The following MED27 variants were observed in gnomAD, a reference collection of about 807,000 sequenced individuals.
The protein encoded by MED27 is mediator of RNA polymerase II transcription subunit 27.
In MED27, 30 loss-of-function variants were observed where a neutral mutation model predicts 38.2. That is an observed-to-expected ratio of 0.79 (90% CI 0.59 to 1.07). MED27 has a LOEUF of 1.07. Ranked by LOEUF, MED27 falls within the 50% of genes least tolerant of loss-of-function variation. MED27 has a pLI of 0.00. For missense variants in MED27, 289 were observed against 397.5 expected (o/e 0.73, Z 2.32); for synonymous variants, 122 against 153.5 (o/e 0.79, Z 1.52).
At chr9:132,004,713 T>C (rs1184283859) in intron 3 of MED27, among the ~76,000 whole-genome samples, 2 of 152,178 alleles carry the variant, frequency 1.3e-5, no homozygotes, top group East Asian at 1.9e-4. Flanking sequence ...TTCCACCTGG[T>C]TCCCGGCCAT....
chr9:131,950,554 G>A (rs1830975460), intron 3 of MED27, among the ~76,000 whole-genome samples: 1 of 152,134 alleles, frequency 6.6e-6, no homozygotes. Context: ...GAATCTACAT[G>A]GTAGATTTCA....
At chr9:132,005,092 C>T (rs1023024709) in intron 3 of MED27, among the ~76,000 whole-genome samples, 6 of 152,198 alleles carry the variant, frequency 3.9e-5, no homozygotes. Context: ...GAGACACTTT[C>T]CTCTTCTACC....
At chr9:132,062,512 T>G (rs973672249) in intron 2 of MED27, among the ~76,000 whole-genome samples, 1 of 152,164 alleles carries the variant, frequency 6.6e-6, no homozygotes, top group Non-Finnish European at 1.5e-5. Context: ...TCAAGGTGAC[T>G]AAGTACCAGA....
At chr9:132,055,562 G>C (rs1234403828) in intron 2 of MED27, among the ~76,000 whole-genome samples, 1 of 152,064 alleles carries the variant, frequency 6.6e-6, no homozygotes, top group Non-Finnish European at 1.5e-5. Context: ...TTTAGATGTG[G>C]GTCAACTCAC....
chr9:131,991,247 ACT>A (rs1293170693), intron 3 of MED27, among the ~76,000 whole-genome samples: 2 of 152,148 alleles, frequency 1.3e-5, no homozygotes, highest in Non-Finnish European at 2.9e-5. Context: ...AGAGAGAAAT[ACT>A]CTCAGATACA....
intron 4 of MED27, among the ~76,000 whole-genome samples, chr9:131,899,017 A>G (rs1829882404): frequency 6.6e-6 from 1 of 152,214 alleles, no homozygotes; most frequent in African/African-American, 2.4e-5. Flanking sequence ...AAATGGAGAT[A>G]ATGGCACTCC....
chr9:131,890,821 A>G (rs1365300908), intron 5 of MED27, among the ~76,000 whole-genome samples: 1 of 152,220 alleles, frequency 6.6e-6, no homozygotes, highest in East Asian at 1.9e-4. Context: ...TGAGTCTAAG[A>G]GCAGCACCTG....
chr9:131,929,747 T>C (rs1229458710), intron 4 of MED27, among the ~76,000 whole-genome samples: 1 of 152,160 alleles, frequency 6.6e-6, no homozygotes, highest in Non-Finnish European at 1.5e-5. Flanking sequence ...GCTAGATTTC[T>C]AAGGTTTTTG....
chr9:131,955,661 G>A (rs1279379730), intron 3 of MED27, among the ~76,000 whole-genome samples: 2 of 152,166 alleles, frequency 1.3e-5, no homozygotes, highest in African/African-American at 2.4e-5. Context: ...TTTGAAAGAT[G>A]TAAGTTATAT....
At chr9:131,899,192 G>A (rs1419575184) in intron 4 of MED27, among the ~76,000 whole-genome samples, 2 of 152,214 alleles carry the variant, frequency 1.3e-5, no homozygotes, top group African/African-American at 4.8e-5. Context: ...TAACGTCAAA[G>A]CTGGAACCAG....
chr9:131,923,635 C>T lies in MED27; in HGVS notation c.573+15746G>A, dbSNP rs73553045. Among the ~76,000 whole-genome samples the T allele has an allele frequency of 2.3e-3, 347 of 152,290 alleles. 2 individuals carry two copies. Among genetic ancestry groups the T allele is most frequent in the African/African-American group, 8.1e-3 (337 of 41,540 alleles). ...CTTTTTCAAGTATGTGAAACATTCA[C>T]ATGTTCTAACAGTCAGAACTACATA... On this transcript the variant is annotated intron_variant, in intron 4 of 7. Transcript: ENST00000292035.
Position 131,883,235 on chromosome 9 carries a change from C to CT in MED27, c.723+822dup, listed in dbSNP as rs1839079790. ...AATGAATGAGATGATGGCCAACTCT[C>CT]TTATTTCACTACTGGATGAGACCAG... On this transcript the variant is annotated intron_variant, in intron 6 of 7. Transcript: ENST00000292035. The surrounding 1 kb of genome is among the most constrained non-coding windows in gnomAD (Gnocchi z 4.2). 6.6e-6 allele frequency among the ~76,000 whole-genome samples: 1 copy of CT among 152,230 alleles called. No individual in the cohort carries two copies. Among genetic ancestry groups the CT allele is most frequent in the East Asian group, 1.9e-4 (1 of 5,186 alleles).
In MED27 at chr9:131,936,091, C is replaced by T. The variant is rs189694521; in HGVS notation, c.573+3290G>A. On this transcript the variant is annotated intron_variant, in intron 4 of 7. Coordinates refer to ENST00000292035, the MANE Select transcript of MED27 (RefSeq NM_004269.4). ...GAGGCTGCAATGAGCTGTGATCACG[C>T]CACTGCACTCCAGCCTGGGTGACAA... Among the ~76,000 whole-genome samples, 221 of 150,508 alleles carry T rather than the reference C, an allele frequency of 1.5e-3. 1 individual carries two copies. Among genetic ancestry groups the T allele is most frequent in the African/African-American group, 5.3e-3 (215 of 40,704 alleles).
chr9:132,023,130 A>T (rs1832751898), intron 2 of MED27, among the ~76,000 whole-genome samples: 1 of 152,192 alleles, frequency 6.6e-6, no homozygotes, highest in Non-Finnish European at 1.5e-5. Context: ...CTTTCCAAAC[A>T]TTCATAGGTG....
chr9:131,954,698 C>A (rs1831062130), intron 3 of MED27, among the ~76,000 whole-genome samples: 1 of 152,152 alleles, frequency 6.6e-6, no homozygotes, highest in African/African-American at 2.4e-5. Flanking sequence ...CTACCTATTT[C>A]TCTCCCATAG....
intron 3 of MED27, among the ~76,000 whole-genome samples, chr9:131,964,794 A>C (rs2131004121): frequency 6.6e-6 from 1 of 152,366 alleles, no homozygotes; most frequent in Non-Finnish European, 1.5e-5. Context: ...CCTTTCCGAT[A>C]CAAGGACATA....
intron 5 of MED27, among the ~76,000 whole-genome samples, chr9:131,892,182 G>A (rs1166433158): frequency 6.6e-6 from 1 of 152,150 alleles, no homozygotes; most frequent in Non-Finnish European, 1.5e-5. Context: ...GGAAGTCAAG[G>A]GGGAAGACAA....
At chr9:131,904,540 G>T (rs1358408004) in intron 4 of MED27, among the ~76,000 whole-genome samples, 1 of 150,822 alleles carries the variant, frequency 6.6e-6, no homozygotes, top group Admixed American at 6.6e-5. Context: ...AATAGAGATC[G>T]GGGGGGAGCG....
intron 3 of MED27, among the ~76,000 whole-genome samples, chr9:131,976,247 G>C (rs1831606671): frequency 1.3e-5 from 2 of 152,104 alleles, no homozygotes; most frequent in South Asian, 4.1e-4. Context: ...GTGAGCCCAA[G>C]GTCACCTGGC....
Sources: allele counts gnomAD v4.1 joint callset (sites outside exome capture counted in the v4.1 genomes callset), GRCh38; gene constraint gnomAD v4.1.1; non-coding constraint Gnocchi (gnomAD v3.1); transcripts MANE v1.5; gene names NCBI Gene and HGNC (gene_info 2026-07-23, HGNC 2026-07-21).